SEC63: variants seen among roughly 807,000 people sequenced by gnomAD.
SEC63 encodes translocation protein SEC63 homolog.
SEC63 carries 56 observed loss-of-function variants against 116.2 expected under a neutral mutation model. The observed-to-expected ratio is 0.48, with a 90% CI of 0.39 to 0.60. The LOEUF (loss-of-function observed/expected upper bound fraction) is 0.60, where lower values mean the gene tolerates loss of function less well. Among genes scored for constraint, SEC63 ranks in the 20% least tolerant of loss-of-function variants. The pLI is 0.00. For synonymous variants in SEC63, 273 were observed against 294.6 expected (o/e 0.93, Z 0.75); for missense variants, 668 against 900.0 (o/e 0.74, Z 3.30).
At chr6:107,910,411 A>C (rs1787249282) in intron 7 of SEC63, among the ~76,000 whole-genome samples, 1 of 152,150 alleles carries the variant, frequency 6.6e-6, no homozygotes, top group South Asian at 2.1e-4. Flanking sequence ...GAGGCTGCAG[A>C]GAGCCATGTT....
chr6:107,909,072 T>A (rs778753809), intron 7 of SEC63, 37 bp from the exon 8 acceptor site: 2 of 1,421,042 alleles, frequency 1.4e-6, no homozygotes, highest in South Asian at 1.2e-5. Context: ...AAAGAAAGTA[T>A]AAAAACTACG....
At position 107,904,879 on chromosome 6, in the gene SEC63, A is replaced by T. The variant is rs1318751009; in HGVS notation, c.962-158T>A. On this transcript the variant is annotated intron_variant, in intron 10 of 20. Coordinates refer to ENST00000369002, the MANE Select transcript of SEC63 (RefSeq NM_007214.5). ...AATGGAAGAGTTTCTCCTCAGTATCACTATGTCAAAAATCAGCCATAAAAC... is the reference window on the plus strand; with the variant it reads ...AATGGAAGAGTTTCTCCTCAGTATCTCTATGTCAAAAATCAGCCATAAAAC... 2.0e-5 allele frequency among the ~76,000 whole-genome samples: 3 copies of T among 152,232 alleles called. No individual in the cohort carries two copies. In the East Asian group the frequency reaches 5.8e-4, roughly 29 times the overall value.
intron 4 of SEC63, among the ~76,000 whole-genome samples, chr6:107,920,528 T>C (rs1359786040): frequency 6.6e-6 from 1 of 152,002 alleles, no homozygotes; most frequent in East Asian, 1.9e-4. Flanking sequence ...ACAAAAAAAT[T>C]TGTGACTCAC....
At chr6:107,924,577 ACCTCT>A (rs779565956) in intron 3 of SEC63, among the ~76,000 whole-genome samples, 19 of 152,148 alleles carry the variant, frequency 1.2e-4, no homozygotes, top group Non-Finnish European at 1.9e-4. Context: ...AAAAATGTTA[ACCTCT>A]CCTCTCATCT....
rs1249782397 is a variant in SEC63, at chr6:107,899,228, T to C, written c.1358-1497A>G. 4.6e-5 allele frequency among the ~76,000 whole-genome samples: 7 copies of C among 152,318 alleles called. No individual in the cohort carries two copies. In the South Asian group the frequency reaches 1.2e-3, roughly 27 times the overall value. Reference sequence around the variant, plus strand: ...TGCAGATGCCCCTTTCCTGCTTCTATATTTCTTCTACTCCTCCTTCACCAA... The same window carrying C: ...TGCAGATGCCCCTTTCCTGCTTCTACATTTCTTCTACTCCTCCTTCACCAA... On this transcript the variant is annotated intron_variant, in intron 13 of 20. Transcript: ENST00000369002.
intron 1 of SEC63, among the ~76,000 whole-genome samples, chr6:107,950,858 A>G (rs1770566433): frequency 6.6e-6 from 1 of 152,210 alleles, no homozygotes; most frequent in Admixed American, 6.5e-5. Flanking sequence ...TCTTTCCATA[A>G]CCTACGGAAA....
chr6:107,913,542 T>TG, intron 4 of SEC63, 115 bp from the exon 5 acceptor site: 2 of 788,228 alleles, frequency 2.5e-6, no homozygotes, highest in Non-Finnish European at 4.5e-6. Flanking sequence ...ACTGATTCCA[T>TG]GAATCAAGAA....
intron 2 of SEC63, among the ~76,000 whole-genome samples, chr6:107,927,845 T>C (rs1787710380): frequency 6.6e-6 from 1 of 152,224 alleles, no homozygotes; most frequent in Non-Finnish European, 1.5e-5. Context: ...TCTAAATTAC[T>C]GATATTACCT....
chr6:107,948,000 CG>C (rs1770510539), intron 1 of SEC63, among the ~76,000 whole-genome samples: 1 of 152,160 alleles, frequency 6.6e-6, no homozygotes, highest in Non-Finnish European at 1.5e-5. Flanking sequence ...CTGAGTTGGT[CG>C]TAAGTGCCAA....
At chr6:107,878,584 G>C (rs575077306) in intron 18 of SEC63, among the ~76,000 whole-genome samples, 1 of 152,316 alleles carries the variant, frequency 6.6e-6, no homozygotes, top group South Asian at 2.1e-4. Context: ...GGCCAGCCAT[G>C]GTGGCTCACA....
At chr6:107,952,703 A>G (rs1026981154) in intron 1 of SEC63, among the ~76,000 whole-genome samples, 16 of 152,174 alleles carry the variant, frequency 1.1e-4, no homozygotes, top group African/African-American at 3.6e-4. Flanking sequence ...GGTTGCAGTG[A>G]GCCAAGATCT....
intron 1 of SEC63, among the ~76,000 whole-genome samples, chr6:107,941,319 G>A (rs1770370421): frequency 1.3e-5 from 2 of 151,976 alleles, no homozygotes; most frequent in African/African-American, 2.4e-5. Flanking sequence ...CGGGTGTGGT[G>A]GCACACACAC....
At position 107,957,960 on chromosome 6, in the gene SEC63, T is replaced by G; in HGVS notation, c.50A>C (p.Tyr17Ser). ...GAGCCCCACGAAGGAGGTGAGGAAGTAGAAGAAGGTGTTCCCACTGTCATC... is the reference window on the plus strand; with the variant it reads ...GAGCCCCACGAAGGAGGTGAGGAAGGAGAAGAAGGTGTTCCCACTGTCATC... ...QYDDSGNTFF[Y>S]FLTSFVGLIV... is the part of the protein sequence containing the mutation. Residue 17 changes from tyrosine to serine, a missense_variant, in exon 1 of 21, where the codon TAC becomes TCC. By Grantham distance (144) the Tyr-to-Ser change is moderately radical (BLOSUM62 -2). This residue lies in a region of SEC63 where 142 missense variants were observed against 169.5 expected (regional missense o/e 0.84). Coordinates refer to ENST00000369002, the MANE Select transcript of SEC63 (RefSeq NM_007214.5). 6.2e-7 allele frequency: 1 copy of G among 1,613,258 alleles called. No homozygotes were observed. Among genetic ancestry groups the G allele is most frequent in the Non-Finnish European group, 8.5e-7 (1 of 1,179,514 alleles).
chr6:107,872,900 A>G lies in SEC63; in HGVS notation c.2047T>C (p.Phe683Leu). Residue 683 changes from phenylalanine (F) to leucine (L), a missense_variant, in exon 20 of 21, where the codon TTT becomes CTT. Phe to Leu is a conservative substitution (Grantham distance 22). This residue lies in a region of SEC63 where 85 missense variants were observed against 116.3 expected (regional missense o/e 0.73). Transcript: ENST00000369002. ...TTTCCAGGCTTGCCTGGTGCAGGAA[A>G]CTTCAGCTCTACCTAGAAGATAAAA... ...LKDTEEVELKFPAPGKPGNYQ... is the reference protein window; with the variant it reads ...LKDTEEVELKLPAPGKPGNYQ... 6.5e-7 allele frequency: 1 copy of G among 1,547,242 alleles called. No individual in the cohort carries two copies. Among genetic ancestry groups the G allele is most frequent in the Admixed American group, 2.0e-5 (1 of 51,042 alleles).
chr6:107,950,304 GA>G (rs1456571814), intron 1 of SEC63, among the ~76,000 whole-genome samples: 2 of 152,084 alleles, frequency 1.3e-5, no homozygotes, highest in Non-Finnish European at 1.5e-5. Flanking sequence ...ACTGAAGAGA[GA>G]AACAGACAGT....
intron 1 of SEC63, among the ~76,000 whole-genome samples, chr6:107,950,705 A>G (rs966520755): frequency 6.6e-6 from 1 of 152,216 alleles, no homozygotes; most frequent in Non-Finnish European, 1.5e-5. Context: ...AGTAGGCTGC[A>G]GAGCCACATT....
chr6:107,905,046 A>T (rs1251217207), intron 10 of SEC63, among the ~76,000 whole-genome samples: 2 of 152,218 alleles, frequency 1.3e-5, no homozygotes, highest in African/African-American at 4.8e-5. Flanking sequence ...TCAACTAAAT[A>T]TGTCAAAATA....
At chr6:107,954,637 A>G (rs1031380729) in intron 1 of SEC63, 54 of 152,354 alleles carry the variant, frequency 3.5e-4, no homozygotes, top group African/African-American at 1.1e-3. Flanking sequence ...AAGATTATTC[A>G]GTAGCCTCCT....
intron 4 of SEC63, among the ~76,000 whole-genome samples, chr6:107,914,411 T>A (rs1376009034): frequency 6.6e-6 from 1 of 152,138 alleles, no homozygotes; most frequent in African/African-American, 2.4e-5. Context: ...AAAACTCCAA[T>A]CTGAGATAGG....
Sources: gnomAD v4.1 joint callset for allele counts (sites outside exome capture counted in the v4.1 genomes callset) on GRCh38, gnomAD v4.1.1 for gene constraint, gnomAD v4.1.1 regional missense constraint, MANE v1.5 for transcripts, NCBI Gene and HGNC (gene_info 2026-07-23, HGNC 2026-07-21) for gene names.